PAX5: variants seen among roughly 807,000 people sequenced by gnomAD.
The protein encoded by PAX5 is paired box protein Pax-5.
In PAX5, 9 loss-of-function variants were observed where a neutral mutation model predicts 43.7. That is an observed-to-expected ratio of 0.21 (90% CI 0.12 to 0.36). The LOEUF is 0.36. Among genes scored for constraint, PAX5 ranks in the 10% least tolerant of loss-of-function variants. The pLI is 1.00. For synonymous variants in PAX5, 228 were observed against 214.3 expected, an observed-to-expected ratio of 1.06 and a Z score of -0.56; for missense variants, 383 against 532.7, an observed-to-expected ratio of 0.72 and a Z score of 2.77.
chr9:36,907,749 A>G lies in PAX5; in HGVS notation c.910+15606T>C, dbSNP rs539959009. Among the ~76,000 whole-genome samples, 10 of 152,342 alleles carry G rather than the reference A, an allele frequency of 6.6e-5. No individual in the cohort carries two copies. The South Asian group carries it at 2.1e-3, about 32-fold the overall frequency. On this transcript the variant is annotated intron_variant, in intron 7 of 9. Coordinates refer to ENST00000358127, the MANE Select transcript of PAX5 (RefSeq NM_016734.3). ...AACCCATTTATAGGAAATAAACTGT[A>G]TGTGTACATCCTGACATGTTTCTTT...
At chr9:36,918,612 G>C (rs1829894682) in intron 7 of PAX5, among the ~76,000 whole-genome samples, 1 of 152,186 alleles carries the variant, frequency 6.6e-6, no homozygotes, top group Non-Finnish European at 1.5e-5. Flanking sequence ...AGTGAGCCAT[G>C]ATTGCACCAC....
chr9:36,919,308 G>T (rs1829954228), intron 7 of PAX5, among the ~76,000 whole-genome samples: 1 of 152,094 alleles, frequency 6.6e-6, no homozygotes, highest in Non-Finnish European at 1.5e-5. Context: ...CAATGCACCT[G>T]GTCACCCAAG....
chr9:36,990,533 T>C (rs900759038), intron 5 of PAX5, among the ~76,000 whole-genome samples: 23 of 152,186 alleles, frequency 1.5e-4, no homozygotes, highest in African/African-American at 5.1e-4. Flanking sequence ...TTTCAGCTGC[T>C]ATGTGGAGGG....
intron 6 of PAX5, among the ~76,000 whole-genome samples, chr9:36,950,744 T>C (rs987873860): frequency 0.02 from 2,928 of 147,698 alleles, 66 homozygotes; most frequent in Admixed American, 0.056. Context: ...TCTTTTTTTT[T>C]TTTTTTTTTT....
At chr9:36,953,882 G>A (rs1833215295) in intron 6 of PAX5, among the ~76,000 whole-genome samples, 1 of 152,124 alleles carries the variant, frequency 6.6e-6, no homozygotes, top group Non-Finnish European at 1.5e-5. Flanking sequence ...AGACCAGCCT[G>A]GGCAACATGG....
intron 8 of PAX5, among the ~76,000 whole-genome samples, chr9:36,848,846 A>C (rs1822867839): frequency 6.6e-6 from 1 of 152,180 alleles, no homozygotes; most frequent in African/African-American, 2.4e-5. Flanking sequence ...GGCTGGAGTT[A>C]GTTCATTGTG....
At chr9:36,940,033 C>T (rs997392758) in intron 6 of PAX5, among the ~76,000 whole-genome samples, 6 of 152,244 alleles carry the variant, frequency 3.9e-5, no homozygotes, top group East Asian at 1.9e-4. Flanking sequence ...AAGGCACCCA[C>T]TCCAGCCGGG....
At chr9:36,995,561 G>T (rs1769695869) in intron 5 of PAX5, among the ~76,000 whole-genome samples, 1 of 152,192 alleles carries the variant, frequency 6.6e-6, no homozygotes, top group South Asian at 2.1e-4. Context: ...TGAGAATGGA[G>T]GAAAGGAGGG....
chr9:36,903,884 T>A (rs965957257), intron 7 of PAX5, among the ~76,000 whole-genome samples: 1 of 152,228 alleles, frequency 6.6e-6, no homozygotes, highest in Non-Finnish European at 1.5e-5. Flanking sequence ...AACTCAGACT[T>A]CCTCTGGCAC....
intron 7 of PAX5, among the ~76,000 whole-genome samples, chr9:36,884,594 T>C (rs1441734594): frequency 6.6e-6 from 1 of 152,214 alleles, no homozygotes; most frequent in African/African-American, 2.4e-5. Context: ...GGAAACCTAT[T>C]ATCAATGTTA....
chr9:37,020,868 C>A lies in PAX5; in HGVS notation c.47-67G>T, dbSNP rs933982406. The A allele has an allele frequency of 2.6e-6, 4 of 1,545,120 alleles. No individual in the cohort carries two copies. The African/African-American group carries it at 5.4e-5, about 21-fold the overall frequency. ...AGAACCAGTCACATAGGAGAAGCAC[C>A]GCTGTGAGGACCCAGAGCCCCTCTG... is the stretch of plus-strand genomic sequence containing the variant. On this transcript the variant is annotated intron_variant, in intron 1 of 9. Coordinates refer to ENST00000358127, the MANE Select transcript of PAX5 (RefSeq NM_016734.3).
chr9:37,000,414 T>A (rs941385572), intron 5 of PAX5, among the ~76,000 whole-genome samples: 1 of 152,122 alleles, frequency 6.6e-6, no homozygotes, highest in Non-Finnish European at 1.5e-5. Flanking sequence ...TAAGTCTTCC[T>A]GAGGATCAGG....
At chr9:37,030,379 G>A (rs779506897) in intron 1 of PAX5, among the ~76,000 whole-genome samples, 4 of 152,120 alleles carry the variant, frequency 2.6e-5, no homozygotes, top group Non-Finnish European at 5.9e-5. Context: ...TGACTAGCTC[G>A]AGGCTGCACA....
rs1821665078 is a variant in PAX5, at chr9:36,836,663, G to A, written c.*3897C>T. On this transcript the variant is annotated 3_prime_UTR_variant, in exon 10 of 10. Transcript: ENST00000358127. ...TCACCCAGGAAGCAGTTCATTCAGG[G>A]GACTTGAGATTGTGATCTGTGTTTC... The A allele has an allele frequency of 4.3e-6, 1 of 232,772 alleles. No individual in the cohort carries two copies. The allele number at this position is 232,772 out of a possible 1,614,324, so 14.4% of individuals were successfully genotyped here. A position where few individuals can be genotyped will look rare whatever the true frequency, so the allele number is the denominator to read the frequency against.
chr9:36,914,369 T>C (rs188941201), intron 7 of PAX5, among the ~76,000 whole-genome samples: 88 of 152,314 alleles, frequency 5.8e-4, no homozygotes, highest in African/African-American at 2.1e-3. Flanking sequence ...CTCACCTATT[T>C]GTAAAATCAC....
intron 5 of PAX5, among the ~76,000 whole-genome samples, chr9:36,968,274 G>A (rs542732133): frequency 1.3e-5 from 2 of 152,324 alleles, no homozygotes; most frequent in African/African-American, 2.4e-5. Context: ...CATCCGTCAC[G>A]TCAAGCTCCC....
intron 9 of PAX5, among the ~76,000 whole-genome samples, chr9:36,844,030 C>T (rs1218352228): frequency 6.6e-6 from 1 of 152,150 alleles, no homozygotes; most frequent in Non-Finnish European, 1.5e-5. Flanking sequence ...TCTAGGAGTC[C>T]CAAATATCCC....
chr9:36,897,526 C>A (rs1038267211), intron 7 of PAX5, among the ~76,000 whole-genome samples: 5 of 151,424 alleles, frequency 3.3e-5, no homozygotes, highest in African/African-American at 1.2e-4. Flanking sequence ...AAGAAAAAAA[C>A]AAAACCTTAA....
chr9:36,866,237 T>C (rs778757384), intron 8 of PAX5, among the ~76,000 whole-genome samples: 4 of 152,124 alleles, frequency 2.6e-5, no homozygotes, highest in African/African-American at 7.2e-5. Context: ...AGAACCTCAG[T>C]TGGGGTCGTG....
Sources: gnomAD v4.1 joint callset for allele counts (sites outside exome capture counted in the v4.1 genomes callset) on GRCh38, gnomAD v4.1.1 for gene constraint, MANE v1.5 for transcripts, NCBI Gene and HGNC (gene_info 2026-07-23, HGNC 2026-07-21) for gene names.